CPEB1: variants seen among roughly 807,000 people sequenced by gnomAD.
CPEB1 encodes the protein cytoplasmic polyadenylation element-binding protein 1.
Under a neutral mutation model 65.8 loss-of-function variants are expected in CPEB1, and 7 were observed. The observed-to-expected ratio is 0.11, with a 90% confidence interval of 0.06 to 0.20. CPEB1 has a LOEUF of 0.20. Among genes scored for constraint, CPEB1 ranks in the 10% least tolerant of loss-of-function variants. The pLI is 1.00. For missense variants in CPEB1, 551 were observed against 712.2 expected, an observed-to-expected ratio of 0.77 and a Z score of 2.58; for synonymous variants, 262 against 260.0, an observed-to-expected ratio of 1.01 and a Z score of -0.08.
intron 3 of CPEB1, among the ~76,000 whole-genome samples, chr15:82,581,627 C>T (rs905826560): frequency 1.3e-5 from 2 of 152,150 alleles, no homozygotes; most frequent in African/African-American, 4.8e-5. Context: ...TTAATAATGG[C>T]CATCCTAACA....
chr15:82,635,774 G>A (rs2046609948), intron 1 of CPEB1, among the ~76,000 whole-genome samples: 1 of 152,128 alleles, frequency 6.6e-6, no homozygotes, highest in African/African-American at 2.4e-5. Context: ...ATAAAGTAGG[G>A]TATCTAAAAT....
At chr15:82,600,897 C>CTT (rs751843256) in intron 3 of CPEB1, among the ~76,000 whole-genome samples, 71 of 64,152 alleles carry the variant, frequency 1.1e-3, no homozygotes, top group East Asian at 3.4e-3. Context: ...CAGAACTTGT[C>CTT]TTTTTTTTTT....
intron 7 of CPEB1, 42 bp downstream of exon 7, chr15:82,553,836 C>T (rs1006511030): frequency 1.5e-6 from 2 of 1,351,510 alleles, no homozygotes; most frequent in Admixed American, 3.5e-5. Context: ...AAAGACATGC[C>T]CCACCCTTCA....
At chr15:82,645,112 G>A (rs946028879) in intron 1 of CPEB1, among the ~76,000 whole-genome samples, 1 of 152,218 alleles carries the variant, frequency 6.6e-6, no homozygotes, top group African/African-American at 2.4e-5. Context: ...GCCTAGACCA[G>A]GGAGTTGTTT....
Position 82,547,185 on chromosome 15 carries a change from G to A in CPEB1, c.1533C>T (p.Ser511=), listed in dbSNP as rs374011661. ...NNQRSYLKAV[S]AAFVEIKTTK... Reference sequence around the variant, plus strand: ...TGGTTTTGATCTCCACAAAAGCAGCGCTGACTGCTTTCAGGTAACTCCGTT... The same window carrying A: ...TGGTTTTGATCTCCACAAAAGCAGCACTGACTGCTTTCAGGTAACTCCGTT... The change falls in exon 11 of 13, where the codon AGC becomes AGT. Residue 511 remains serine, a synonymous_variant. Coordinates refer to ENST00000684509, the MANE Select transcript of CPEB1 (RefSeq NM_001365242.1). 20 of 1,612,990 alleles carry A rather than the reference G, an allele frequency of 1.2e-5. No homozygotes were observed. The highest frequency in any genetic ancestry group is 3.3e-4 in the Middle Eastern group (2 of 6,076).
In CPEB1 at chr15:82,555,916, G is replaced by A. The variant is rs1267003845; in HGVS notation, c.894C>T (p.Asp298=). Residue 298 remains aspartate, a synonymous_variant, in exon 6 of 13, where the codon GAC becomes GAT. Coordinates refer to ENST00000684509, the MANE Select transcript of CPEB1 (RefSeq NM_001365242.1). ...TGGCCTCTCTCTCTATGCTGAAGGG[G>A]TCTTTGGGAGCTTCGAGGAGGTCCC... ...PSWDLLEAPK[D]PFSIEREARL... is the part of the protein sequence containing the mutation. 8.1e-6 allele frequency: 13 copies of A among 1,613,800 alleles called. No homozygotes were observed. The highest frequency in any genetic ancestry group is 1.1e-5 in the Non-Finnish European group (13 of 1,179,860).
At position 82,601,473 on chromosome 15, in the gene CPEB1, G is replaced by A. The variant is rs563188897; in HGVS notation, c.271+25720C>T. Among the ~76,000 whole-genome samples, 86 of 152,050 alleles carry A rather than the reference G, an allele frequency of 5.7e-4. 1 individual carries two copies. The South Asian group carries it at 0.017, about 30-fold the overall frequency. ...GGACAATCGCTTGAAACCAGGAGGC[G>A]GAGGTTGCAGTGACCTGAGATCACG... On this transcript the variant is annotated intron_variant, in intron 3 of 12. Coordinates refer to ENST00000684509, the MANE Select transcript of CPEB1 (RefSeq NM_001365242.1).
intron 2 of CPEB1, 51 bp downstream of exon 2, chr15:82,628,306 GGTTGGGA>G (rs940455269): frequency 1.4e-6 from 1 of 702,276 alleles, no homozygotes; most frequent in African/African-American, 1.7e-5. Context: ...GACAAAAAAA[GGTTGGGA>G]GTGAAGATTT....
rs1034257636 is a variant in CPEB1 at position 82,628,124 on chromosome 15, T to C, written c.96+240A>G. On this transcript the variant is annotated intron_variant, in intron 2 of 12. Transcript: ENST00000684509. ...CAATAGAGAGAAGGTCATGAAAGTCTAGAAGAATTACACCAGTGACAATGC... is the reference window on the plus strand; with the variant it reads ...CAATAGAGAGAAGGTCATGAAAGTCCAGAAGAATTACACCAGTGACAATGC... 20 of 685,436 alleles carry C rather than the reference T, an allele frequency of 2.9e-5. No individual in the cohort carries two copies. The African/African-American group carries it at 3.4e-4, about 12-fold the overall frequency. The allele number at this position is 685,436 out of a possible 1,614,324, so 42.5% of individuals were successfully genotyped here.
chr15:82,578,991 T>G (rs2040954895), intron 3 of CPEB1, among the ~76,000 whole-genome samples: 1 of 152,002 alleles, frequency 6.6e-6, no homozygotes, highest in Non-Finnish European at 1.5e-5. Flanking sequence ...GCCCAGCTAA[T>G]TTTTGAACTT....
chr15:82,584,258 CAAAAAAAAAA>C (rs71156038), intron 3 of CPEB1, among the ~76,000 whole-genome samples: 1 of 53,288 alleles, frequency 1.9e-5, no homozygotes, highest in Non-Finnish European at 3.3e-5. Context: ...GACTCCGTCT[CAAAAAAAAAA>C]AAAAAAAAAA....
chr15:82,642,349 A>C (rs2047179306), intron 1 of CPEB1, among the ~76,000 whole-genome samples: 1 of 152,150 alleles, frequency 6.6e-6, no homozygotes, highest in African/African-American at 2.4e-5. Flanking sequence ...AGCCGAGGAT[A>C]AGCCTGGCCA....
In CPEB1 at chr15:82,577,626, T is replaced by C. The variant is rs556983860; in HGVS notation, c.272-6094A>G. Among the ~76,000 whole-genome samples the C allele has an allele frequency of 3.0e-4, 46 of 152,270 alleles. No homozygotes were observed. The South Asian group carries it at 7.0e-3, about 23-fold the overall frequency. On this transcript the variant is annotated intron_variant, in intron 3 of 12. Transcript: ENST00000684509. ...GACTTCCAGGTTTAAGAGATTTTCC[T>C]ACCTCAGCCTCCCAAGTAGCTGGGA...
chr15:82,626,775 G>A (rs2045811046), intron 3 of CPEB1, among the ~76,000 whole-genome samples: 1 of 152,102 alleles, frequency 6.6e-6, no homozygotes, highest in South Asian at 2.1e-4. Context: ...TGAAGTCGTA[G>A]TACTAATAAA....
At chr15:82,642,003 A>C (rs1037140346) in intron 1 of CPEB1, among the ~76,000 whole-genome samples, 4 of 152,238 alleles carry the variant, frequency 2.6e-5, no homozygotes, top group Non-Finnish European at 5.9e-5. Context: ...TTTTTACAGC[A>C]AGTCAGATAA....
At chr15:82,586,645 C>T (rs1372866685) in intron 3 of CPEB1, among the ~76,000 whole-genome samples, 1 of 152,158 alleles carries the variant, frequency 6.6e-6, no homozygotes, top group Non-Finnish European at 1.5e-5. Context: ...AGTAGACCAC[C>T]TACAGTTAGT....
chr15:82,617,143 T>C (rs1481604784), intron 3 of CPEB1, among the ~76,000 whole-genome samples: 1 of 152,256 alleles, frequency 6.6e-6, no homozygotes, highest in Admixed American at 6.5e-5. Context: ...GATAGAATTC[T>C]GTGCCAACAG....
At chr15:82,579,638 C>G (rs557487495) in intron 3 of CPEB1, among the ~76,000 whole-genome samples, 2 of 151,826 alleles carry the variant, frequency 1.3e-5, no homozygotes, top group African/African-American at 4.8e-5. Flanking sequence ...CACGGCCGGG[C>G]GCGGTGGCTC....
At chr15:82,574,260 T>C (rs1016821705) in intron 3 of CPEB1, among the ~76,000 whole-genome samples, 1 of 152,208 alleles carries the variant, frequency 6.6e-6, no homozygotes, top group African/African-American at 2.4e-5. Flanking sequence ...ATGCAGGCCA[T>C]ACCTGTTAAA....
Sources: allele counts gnomAD v4.1 joint callset (sites outside exome capture counted in the v4.1 genomes callset), GRCh38; gene constraint gnomAD v4.1.1; transcripts MANE v1.5; gene names NCBI Gene and HGNC (gene_info 2026-07-23, HGNC 2026-07-21).